The following PTPN6 variants were observed in gnomAD, a reference collection of about 807,000 sequenced individuals.
PTPN6 encodes the protein tyrosine-protein phosphatase non-receptor type 6.
PTPN6 carries 18 observed loss-of-function variants against 81.5 expected under a neutral mutation model. The ratio of observed to expected loss-of-function variants is 0.22; its 90% CI spans 0.15 to 0.33. The LOEUF is 0.33. PTPN6 is among the 10% of genes least tolerant of loss of function. The probability of loss-of-function intolerance (pLI) is 1.00; values close to 1 mark genes in which losing one functional copy is unlikely to be tolerated. For missense variants in PTPN6, 500 were observed against 794.2 expected (o/e 0.63, Z 4.45); for synonymous variants, 301 against 310.9 (o/e 0.97, Z 0.33).
Position 6,955,632 on chromosome 12 carries a change from G to A in PTPN6, c.748-28G>A. 1 of 1,608,118 alleles carries A rather than the reference G, an allele frequency of 6.2e-7. No individual in the cohort carries two copies. The highest frequency in any genetic ancestry group is 8.5e-7 in the Non-Finnish European group (1 of 1,174,776). On this transcript the variant is annotated intron_variant, in intron 6 of 15. Transcript: ENST00000318974. This position sits in a 1 kb window ranked among gnomAD's most constrained non-coding sequence, Gnocchi z 7.2. Reference sequence around the variant, plus strand: ...CCGATGGATGCCCTCTTTGGGAGCTGATGCTCATTTCCCCACCCACATCTC... The same window carrying A: ...CCGATGGATGCCCTCTTTGGGAGCTAATGCTCATTTCCCCACCCACATCTC...
upstream of PTPN6, among the ~76,000 whole-genome samples, chr12:6,950,620 T>C (rs1854112003): frequency 6.6e-6 from 1 of 152,144 alleles, no homozygotes; most frequent in South Asian, 2.1e-4. Flanking sequence ...ACAAACTGCA[T>C]ATGTTGGTTA....
chr12:6,956,152 C>A lies in PTPN6; in HGVS notation c.855C>A (p.Ser285Arg). ...RYKNILPFDH[S>R]RVILQGRDSN... ...TCCGCCCACTCCCAGTTGACCACAG[C>A]CGAGTGATCCTGCAGGGACGGGACA... Residue 285 changes from serine to arginine, a missense_variant, in exon 8 of 16, where the codon AGC becomes AGA. Ser to Arg is a moderately radical substitution (Grantham distance 110). Coordinates refer to ENST00000318974, the MANE Select transcript of PTPN6 (RefSeq NM_002831.6). This position sits in a 1 kb window ranked among gnomAD's most constrained non-coding sequence, Gnocchi z 4.1. The A allele has an allele frequency of 6.2e-7, 1 of 1,614,196 alleles. No homozygotes were observed. The highest frequency in any genetic ancestry group is 8.5e-7 in the Non-Finnish European group (1 of 1,180,028).
rs1043982112 is a variant in PTPN6, at chr12:6,952,484, A to C, written c.326+307A>C. The stretch of plus-strand genomic sequence containing the variant: ...GACAGGGAGGCCACTGCTGGTGGCC[A>C]GCATGTCGTGCAGGCCAGCTCTGTT... On this transcript the variant is annotated intron_variant, in intron 3 of 15. Transcript: ENST00000318974. The surrounding 1 kb of genome is among the most constrained non-coding windows in gnomAD (Gnocchi z 8.1). The C allele has an allele frequency of 8.1e-6, 4 of 494,258 alleles. No homozygotes were observed. Among genetic ancestry groups the C allele is most frequent in the Non-Finnish European group, 1.5e-5 (4 of 269,688 alleles). 30.6% of individuals were successfully genotyped at this position (494,258 alleles called of 1,614,324 possible). A position where few individuals can be genotyped will look rare whatever the true frequency, so the allele number is the denominator to read the frequency against.
rs1240335566 is a variant in PTPN6 at position 6,957,082 on chromosome 12, C to T, written c.1074+514C>T. On this transcript the variant is annotated intron_variant, in intron 9 of 15. Coordinates refer to ENST00000318974, the MANE Select transcript of PTPN6 (RefSeq NM_002831.6). This position sits in a 1 kb window ranked among gnomAD's most constrained non-coding sequence, Gnocchi z 6.5. ...GACCCGCACGCTTCTCTTGAAGGCT[C>T]ACCGCCCCCAGCAGCCCCAGCTCTT... 6.6e-6 allele frequency among the ~76,000 whole-genome samples: 1 copy of T among 152,222 alleles called. No individual in the cohort carries two copies. Among genetic ancestry groups the T allele is most frequent in the Non-Finnish European group, 1.5e-5 (1 of 68,040 alleles).
At chr12:6,950,319 T>A (rs148099670), upstream of PTPN6, among the ~76,000 whole-genome samples, 1 of 152,050 alleles carries the variant, frequency 6.6e-6, no homozygotes, top group Non-Finnish European at 1.5e-5. Flanking sequence ...GTGTTTCTTA[T>A]GTATCCCCTG....
At position 6,960,048 on chromosome 12, in the gene PTPN6, G is replaced by C. The variant is rs1946101960; in HGVS notation, c.1430-40G>C. On this transcript the variant is annotated intron_variant, in intron 12 of 15. Transcript: ENST00000318974. The surrounding 1 kb of genome is among the most constrained non-coding windows in gnomAD (Gnocchi z 6.1). ...GGGGGTGAGCAGCCCCTCGGTGTCC[G>C]CCTATGCCTGGACCTGAGGTTTGAC... 1.9e-6 allele frequency: 3 copies of C among 1,612,954 alleles called. No individual in the cohort carries two copies. The highest frequency in any genetic ancestry group is 3.3e-4 in the Middle Eastern group (2 of 6,030).
upstream of PTPN6, among the ~76,000 whole-genome samples, chr12:6,949,868 C>T (rs1392522347): frequency 2.8e-5 from 4 of 144,874 alleles, no homozygotes; most frequent in African/African-American, 7.8e-5. Context: ...GGCTGGAGTG[C>T]GGTGGCATGA....
chr12:6,955,845 A>T lies in PTPN6; in HGVS notation c.844+89A>T. On this transcript the variant is annotated intron_variant, in intron 7 of 15. Coordinates refer to ENST00000318974, the MANE Select transcript of PTPN6 (RefSeq NM_002831.6). The surrounding 1 kb of genome is among the most constrained non-coding windows in gnomAD (Gnocchi z 7.2). ...CTCACAGGTCTCCACCCTCCACGCC[A>T]GGAGGGGCCATCTCCCCACACCCCC... 1.2e-5 allele frequency: 15 copies of T among 1,227,448 alleles called. No homozygotes were observed. The highest frequency in any genetic ancestry group is 1.7e-5 in the Non-Finnish European group (14 of 839,174). 76.0% of individuals were successfully genotyped at this position (1,227,448 alleles called of 1,614,324 possible).
rs781939436 is a variant in PTPN6 at position 6,959,837 on chromosome 12, G to A, written c.1362-90G>A. 2.9e-6 allele frequency: 4 copies of A among 1,395,516 alleles called. No individual in the cohort carries two copies. In the African/African-American group the frequency reaches 4.2e-5, roughly 15 times the overall value. The allele number at this position is 1,395,516 out of a possible 1,614,324, so 86.4% of individuals were successfully genotyped here. ...ATCACTGGAGGCTCAGGCTGCTCCT[G>A]TGGTGCCTGGGGCTGGAGCTGAGCG... is the stretch of plus-strand genomic sequence containing the variant. On this transcript the variant is annotated intron_variant, in intron 11 of 15. Coordinates refer to ENST00000318974, the MANE Select transcript of PTPN6 (RefSeq NM_002831.6). The surrounding 1 kb of genome is among the most constrained non-coding windows in gnomAD (Gnocchi z 6.6).
rs1164121211 is a variant in PTPN6, at chr12:6,959,688, G to A, written c.1362-239G>A. ...GGAGTCGGCGCGAGGAGTGGAGGAG[G>A]GAAGGATGGTGGCAGCTGGGGAGCC... On this transcript the variant is annotated intron_variant, in intron 11 of 15. Transcript: ENST00000318974. The surrounding 1 kb of genome is among the most constrained non-coding windows in gnomAD (Gnocchi z 6.6). 1 of 599,384 alleles carries A rather than the reference G, an allele frequency of 1.7e-6. No homozygotes were observed. Among genetic ancestry groups the A allele is most frequent in the Admixed American group, 2.9e-5 (1 of 34,714 alleles). The allele number at this position is 599,384 out of a possible 1,614,324, so 37.1% of individuals were successfully genotyped here.
chr12:6,951,568 C>T lies in PTPN6; in HGVS notation c.9-41C>T, dbSNP rs1555147728. Reference sequence around the variant, plus strand: ...AGACAGGAGGCAAGGGTGCCTGGTGCCCACGGGACCCCTCCTCACTGCCCT... The same window carrying T: ...AGACAGGAGGCAAGGGTGCCTGGTGTCCACGGGACCCCTCCTCACTGCCCT... On this transcript the variant is annotated intron_variant, in intron 1 of 15. Coordinates refer to ENST00000318974, the MANE Select transcript of PTPN6 (RefSeq NM_002831.6). This position sits in a 1 kb window ranked among gnomAD's most constrained non-coding sequence, Gnocchi z 7.2. 8 of 1,614,002 alleles carry T rather than the reference C, an allele frequency of 5.0e-6. No homozygotes were observed. The South Asian group carries it at 7.7e-5, about 16-fold the overall frequency.
rs1946125107 is a variant in PTPN6, at chr12:6,960,789, CCTGCACCCGG to C, written c.1674-11_1674-2del. 6.4e-6 allele frequency: 10 copies of C among 1,554,628 alleles called. No individual in the cohort carries two copies. Among genetic ancestry groups the C allele is most frequent in the Non-Finnish European group, 8.7e-6 (10 of 1,148,582 alleles). ...TGCACCAACTGCCTGTACTTGCCCC[CCTGCACCCGG>C]CTGCAGACACAAGGAGGATGTGTAT... On this transcript the variant is annotated splice_region_variant and splice_polypyrimidine_tract_variant and intron_variant, in intron 14 of 15. Coordinates refer to ENST00000318974, the MANE Select transcript of PTPN6 (RefSeq NM_002831.6). This position sits in a 1 kb window ranked among gnomAD's most constrained non-coding sequence, Gnocchi z 6.1.
Position 6,959,861 on chromosome 12 carries a change from C to T in PTPN6, c.1362-66C>T, listed in dbSNP as rs1032235706. On this transcript the variant is annotated intron_variant, in intron 11 of 15. Transcript: ENST00000318974. The surrounding 1 kb of genome is among the most constrained non-coding windows in gnomAD (Gnocchi z 6.6). The stretch of plus-strand genomic sequence containing the variant: ...TGTGGTGCCTGGGGCTGGAGCTGAG[C>T]GCTGGGTACCCCCCTTCCCGGGGAG... 31 of 1,554,928 alleles carry T rather than the reference C, an allele frequency of 2.0e-5. No individual in the cohort carries two copies. The highest frequency in any genetic ancestry group is 6.8e-5 in the African/African-American group (5 of 73,696).
upstream of PTPN6, among the ~76,000 whole-genome samples, chr12:6,948,349 T>C (rs1233027825): frequency 6.8e-6 from 1 of 147,832 alleles, no homozygotes; most frequent in African/African-American, 2.5e-5. Context: ...GGCAGGAGGA[T>C]CACCTGAGCC....
At position 6,952,746 on chromosome 12, in the gene PTPN6, T is replaced by G. The variant is rs1439555218; in HGVS notation, c.326+569T>G. ...GAGCACGATGTGAAGTGTTCACCTG[T>G]GTAAAGTGTCTCACGCTGTCCCGGG... On this transcript the variant is annotated intron_variant, in intron 3 of 15. Transcript: ENST00000318974. The surrounding 1 kb of genome is among the most constrained non-coding windows in gnomAD (Gnocchi z 8.1). The G allele has an allele frequency of 5.7e-6, 1 of 175,324 alleles. No homozygotes were observed. Among genetic ancestry groups the G allele is most frequent in the Non-Finnish European group, 1.2e-5 (1 of 81,030 alleles). The allele number at this position is 175,324 out of a possible 1,614,324, so 10.9% of individuals were successfully genotyped here.
rs1555148793 is a variant in PTPN6, at chr12:6,956,664, G to T, written c.1074+96G>T. 6 of 1,523,894 alleles carry T rather than the reference G, an allele frequency of 3.9e-6. No homozygotes were observed. The highest frequency in any genetic ancestry group is 5.4e-6 in the Non-Finnish European group (6 of 1,111,660). The allele number at this position is 1,523,894 out of a possible 1,614,324, so 94.4% of individuals were successfully genotyped here. ...GATGCCAGGGCAGAAAGGGATCTCA[G>T]GGGTGAGGGTCCGGCCCTTGTTGGG... is the stretch of plus-strand genomic sequence containing the variant. On this transcript the variant is annotated intron_variant, in intron 9 of 15. Coordinates refer to ENST00000318974, the MANE Select transcript of PTPN6 (RefSeq NM_002831.6). This position sits in a 1 kb window ranked among gnomAD's most constrained non-coding sequence, Gnocchi z 4.1.
At chr12:6,946,868 T>C, upstream of PTPN6, 3 of 1,061,654 alleles carry the variant, frequency 2.8e-6, no homozygotes, top group South Asian at 1.3e-5. Flanking sequence ...CTGTTTCCGG[T>C]CCCTATGAAC....
chr12:6,954,904 T>C lies in PTPN6; in HGVS notation c.426T>C (p.Pro142=). Residue 142 remains proline, a synonymous_variant, in exon 4 of 16, where the codon CCT becomes CCC. Coordinates refer to ENST00000318974, the MANE Select transcript of PTPN6 (RefSeq NM_002831.6). The surrounding 1 kb of genome is among the most constrained non-coding windows in gnomAD (Gnocchi z 5.4). The stretch of plus-strand genomic sequence containing the variant: ...TTGTGCGTGAGAGCCTCAGCCAGCC[T>C]GGAGACTTCGTGCTTTCTGTGCTCA... ...TFLVRESLSQ[P]GDFVLSVLSD... is the part of the protein sequence containing the mutation. 1 of 1,614,222 alleles carries C rather than the reference T, an allele frequency of 6.2e-7. No homozygotes were observed. Among genetic ancestry groups the C allele is most frequent in the Non-Finnish European group, 8.5e-7 (1 of 1,180,040 alleles).
rs782122313 is a variant in PTPN6 at position 6,960,687 on chromosome 12, C to T, written c.1674-119C>T. 27 of 1,551,326 alleles carry T rather than the reference C, an allele frequency of 1.7e-5. No homozygotes were observed. The highest frequency in any genetic ancestry group is 2.1e-5 in the Non-Finnish European group (24 of 1,146,954). The stretch of plus-strand genomic sequence containing the variant: ...GGAGCTTGGAGTCTAGTGCAGGGAC[C>T]GTGGCTGCGTCACCTGTGAGACGGG... On this transcript the variant is annotated intron_variant, in intron 14 of 15. Coordinates refer to ENST00000318974, the MANE Select transcript of PTPN6 (RefSeq NM_002831.6). This position sits in a 1 kb window ranked among gnomAD's most constrained non-coding sequence, Gnocchi z 6.1.
Sources: gnomAD v4.1 joint callset for allele counts (sites outside exome capture counted in the v4.1 genomes callset) on GRCh38, gnomAD v4.1.1 for gene constraint, Gnocchi (gnomAD v3.1) non-coding constraint, MANE v1.5 for transcripts, NCBI Gene and HGNC (gene_info 2026-07-23, HGNC 2026-07-21) for gene names.